Variants in GRIA1 observed in about 807,000 individuals in gnomAD.
The protein encoded by GRIA1 is glutamate ionotropic receptor AMPA type subunit 1.
Under a neutral mutation model 99.2 loss-of-function variants are expected in GRIA1, and 31 were observed. The observed-to-expected ratio is 0.31, with a 90% CI of 0.23 to 0.42. GRIA1 has a LOEUF of 0.42. Ranked by LOEUF, GRIA1 falls within the 10% of genes least tolerant of loss-of-function variation. GRIA1 has a pLI of 1.00. For synonymous variants in GRIA1, 438 were observed against 432.4 expected (o/e 1.01, Z -0.16); for missense variants, 782 against 1,157.5 (o/e 0.68, Z 4.71).
At chr5:153,621,972 A>C (rs1482058021) in intron 2 of GRIA1, among the ~76,000 whole-genome samples, 1 of 152,164 alleles carries the variant, frequency 6.6e-6, no homozygotes, top group Non-Finnish European at 1.5e-5. Context: ...GGAGATCATC[A>C]CCATTCTAGG....
chr5:153,646,788 G>A, intron 2 of GRIA1, 140 bp from the exon 3 acceptor site: 1 of 878,332 alleles, frequency 1.1e-6, no homozygotes, highest in South Asian at 1.6e-5. Flanking sequence ...GGATTGGTTT[G>A]TTGGATGGGT....
chr5:153,713,359 G>A (rs1330240238), intron 11 of GRIA1, among the ~76,000 whole-genome samples: 1 of 152,252 alleles, frequency 6.6e-6, no homozygotes, highest in Non-Finnish European at 1.5e-5. Context: ...CCCAGGTGAG[G>A]TGATTCTGCA....
chr5:153,607,229 C>A (rs1413735184), intron 2 of GRIA1, among the ~76,000 whole-genome samples: 1 of 151,620 alleles, frequency 6.6e-6, no homozygotes, highest in Non-Finnish European at 1.5e-5. Context: ...ACCTTCTATA[C>A]TATTGACATT....
At chr5:153,514,074 A>T (rs1248881601) in intron 2 of GRIA1, among the ~76,000 whole-genome samples, 1 of 152,156 alleles carries the variant, frequency 6.6e-6, no homozygotes, top group African/African-American at 2.4e-5. Context: ...TGATGACCCA[A>T]ATGAAAATCT....
chr5:153,732,232 A>T (rs567043989), intron 11 of GRIA1, among the ~76,000 whole-genome samples: 3 of 151,636 alleles, frequency 2.0e-5, no homozygotes, highest in South Asian at 2.1e-4. Flanking sequence ...TTTCCTTTGG[A>T]TATGTACCCA....
intron 7 of GRIA1, 107 bp from the exon 8 acceptor site, chr5:153,686,118 C>A (rs1189219797): frequency 4.9e-6 from 4 of 815,982 alleles, no homozygotes; most frequent in Non-Finnish European, 6.4e-6. Flanking sequence ...TCCAAGACAT[C>A]ATTCCATGGA....
At chr5:153,520,676 G>A (rs1287982195) in intron 2 of GRIA1, among the ~76,000 whole-genome samples, 1 of 152,188 alleles carries the variant, frequency 6.6e-6, no homozygotes, top group East Asian at 1.9e-4. Context: ...TACAAATGCT[G>A]TAACTTTGGG....
intron 2 of GRIA1, among the ~76,000 whole-genome samples, chr5:153,592,222 G>A (rs1764033975): frequency 6.6e-6 from 1 of 152,222 alleles, no homozygotes; most frequent in Admixed American, 6.5e-5. Flanking sequence ...TTGTTTTTCA[G>A]AACTCACAGA....
At chr5:153,494,140 G>A (rs1754194418) in intron 2 of GRIA1, 75 bp downstream of exon 2, 4 of 1,501,314 alleles carry the variant, frequency 2.7e-6, no homozygotes, top group South Asian at 2.4e-5. Flanking sequence ...GGTAGGTGGT[G>A]GTGTTGCAAA....
chr5:153,638,575 A>G (rs1753558409), intron 2 of GRIA1, among the ~76,000 whole-genome samples: 2 of 152,180 alleles, frequency 1.3e-5, no homozygotes, highest in Admixed American at 6.5e-5. Context: ...AACTGTGTAA[A>G]CAGTTATCAC....
intron 2 of GRIA1, among the ~76,000 whole-genome samples, chr5:153,541,418 T>A (rs1759079671): frequency 6.6e-6 from 1 of 152,188 alleles, no homozygotes; most frequent in Admixed American, 6.5e-5. Flanking sequence ...GCTTCATATA[T>A]CCCATTTCAT....
intron 2 of GRIA1, among the ~76,000 whole-genome samples, chr5:153,588,179 A>T (rs545241005): frequency 2.0e-5 from 3 of 152,320 alleles, no homozygotes; most frequent in East Asian, 1.9e-4. Context: ...ATCAGGCTGA[A>T]TAAATACGGC....
intron 14 of GRIA1, among the ~76,000 whole-genome samples, chr5:153,801,696 C>G (rs1432522294): frequency 6.6e-6 from 1 of 152,128 alleles, no homozygotes; most frequent in African/African-American, 2.4e-5. Context: ...TTTAATAGAG[C>G]CATTTTTCTA....
chr5:153,685,964 T>C (rs1001016958), intron 7 of GRIA1, among the ~76,000 whole-genome samples: 1 of 152,170 alleles, frequency 6.6e-6, no homozygotes, highest in Non-Finnish European at 1.5e-5. Context: ...TTCACATTAG[T>C]ATGCACTCTG....
chr5:153,640,960 G>A lies in GRIA1; in HGVS notation c.221-5968G>A, dbSNP rs1753739687. On this transcript the variant is annotated intron_variant, in intron 2 of 15. Coordinates refer to ENST00000285900, the MANE Select transcript of GRIA1 (RefSeq NM_000827.4). ...TATTATGGTAATTCTTTGCATGTCA[G>A]CATTATATCTACGATACAAGAGAAT... Among the ~76,000 whole-genome samples the A allele has an allele frequency of 3.9e-5, 6 of 152,096 alleles. No homozygotes were observed. The South Asian group carries it at 1.2e-3, about 32-fold the overall frequency.
At chr5:153,560,819 A>G (rs932813852) in intron 2 of GRIA1, among the ~76,000 whole-genome samples, 3 of 152,186 alleles carry the variant, frequency 2.0e-5, no homozygotes, top group Non-Finnish European at 4.4e-5. Flanking sequence ...GAAATTATGT[A>G]CCACTAAGAT....
At chr5:153,807,609 G>A (rs748935847) in intron 15 of GRIA1, among the ~76,000 whole-genome samples, 2 of 152,230 alleles carry the variant, frequency 1.3e-5, no homozygotes, top group Non-Finnish European at 2.9e-5. Context: ...GACACAGACT[G>A]AGGGAAAAGG....
chr5:153,792,159 A>T (rs908986688), intron 13 of GRIA1, among the ~76,000 whole-genome samples: 1 of 152,258 alleles, frequency 6.6e-6, no homozygotes, highest in East Asian at 1.9e-4. Flanking sequence ...GGTGAAATTT[A>T]ATTAAATGCC....
At chr5:153,727,660 C>T (rs1039719290) in intron 11 of GRIA1, among the ~76,000 whole-genome samples, 6 of 152,062 alleles carry the variant, frequency 3.9e-5, no homozygotes, top group Non-Finnish European at 2.9e-5. Context: ...AATAAAATAC[C>T]TAGGAATCCA....
Sources: gnomAD v4.1 joint callset for allele counts (sites outside exome capture counted in the v4.1 genomes callset) on GRCh38, gnomAD v4.1.1 for gene constraint, MANE v1.5 for transcripts, NCBI Gene and HGNC (gene_info 2026-07-23, HGNC 2026-07-21) for gene names.